Variants in ATXN8OS observed in about 807,000 individuals in gnomAD.
ATXN8OS encodes the protein ATXN8 opposite strand (non-protein coding).
chr13:70,170,908 G>T (rs764086875), exon 5 of ATXN8OS, among the ~76,000 whole-genome samples: 13 of 151,974 alleles, frequency 8.6e-5, no homozygotes, highest in Non-Finnish European at 1.5e-4. Flanking sequence ...GCTTAATACT[G>T]CAGGACATTT....
chr13:70,130,064 C>A (rs934684030), intron 3 of ATXN8OS, among the ~76,000 whole-genome samples: 1 of 151,800 alleles, frequency 6.6e-6, no homozygotes, highest in Non-Finnish European at 1.5e-5. Context: ...GTGCATGGAC[C>A]ATGGACTTTC....
intron 3 of ATXN8OS, among the ~76,000 whole-genome samples, chr13:70,136,584 C>T (rs575323121): frequency 6.6e-6 from 1 of 151,948 alleles, no homozygotes; most frequent in Non-Finnish European, 1.5e-5. Flanking sequence ...AAAATCTCCT[C>T]GTATTCAGGA....
At chr13:70,162,891 T>C (rs80317559) in intron 4 of ATXN8OS, among the ~76,000 whole-genome samples, 12,695 of 152,148 alleles carry the variant, frequency 0.083, 684 homozygotes, top group Non-Finnish European at 0.1. Context: ...GTTTAGTTTT[T>C]CATGAACTAA....
chr13:70,133,906 G>A (rs1888569342), intron 3 of ATXN8OS, among the ~76,000 whole-genome samples: 3 of 152,294 alleles, frequency 2.0e-5, no homozygotes, highest in Middle Eastern at 3.4e-3. Context: ...AGTCCTCTAA[G>A]ATGAGAACAA....
intron 1 of ATXN8OS, among the ~76,000 whole-genome samples, chr13:70,111,956 A>G (rs1400628329): frequency 6.6e-6 from 1 of 152,192 alleles, no homozygotes; most frequent in Non-Finnish European, 1.5e-5. Context: ...TGCTATAAAG[A>G]CATTCCTGAG....
intron 3 of ATXN8OS, among the ~76,000 whole-genome samples, chr13:70,142,997 C>T (rs879559632): frequency 4.0e-5 from 6 of 151,548 alleles, no homozygotes; most frequent in Non-Finnish European, 7.4e-5. Context: ...CCCTTGAACC[C>T]GGGAGGCAGA....
At chr13:70,125,902 G>C (rs1250353559) in intron 2 of ATXN8OS, among the ~76,000 whole-genome samples, 1 of 152,006 alleles carries the variant, frequency 6.6e-6, no homozygotes, top group African/African-American at 2.4e-5. Context: ...CCACCACCGG[G>C]GGTTGTGGGA....
intron 2 of ATXN8OS, among the ~76,000 whole-genome samples, chr13:70,115,500 C>T (rs1218941140): frequency 6.6e-6 from 1 of 151,252 alleles, no homozygotes; most frequent in South Asian, 2.1e-4. Context: ...TGTGTAGATA[C>T]ATGGGTGGCT....
In ATXN8OS at chr13:70,158,116, C is replaced by T. The variant is rs115418615; in HGVS notation, n.573+10688C>T. ...AGCCTTGAGATAGGCTTATTCCACA[C>T]TTCTTTAAGATAGAAGAGCAGAGGC... On this transcript the variant is annotated intron_variant and non_coding_transcript_variant, in intron 4 of 4. Transcript: ENST00000678624. Among the ~76,000 whole-genome samples the T allele has an allele frequency of 8.1e-3, 1,233 of 152,244 alleles. 15 individuals carry two copies. Among genetic ancestry groups the T allele is most frequent in the African/African-American group, 0.027 (1,114 of 41,578 alleles).
intron 3 of ATXN8OS, among the ~76,000 whole-genome samples, chr13:70,141,020 G>A (rs555228690): frequency 6.6e-6 from 1 of 152,134 alleles, no homozygotes; most frequent in Non-Finnish European, 1.5e-5. Context: ...TTTACTTGTA[G>A]TCTGAACAAT....
At chr13:70,170,504 G>A (rs548158892) in exon 5 of ATXN8OS, among the ~76,000 whole-genome samples, 2 of 152,046 alleles carry the variant, frequency 1.3e-5, no homozygotes, top group African/African-American at 4.8e-5. Context: ...ACATAAATTA[G>A]ATCCTGAAGG....
chr13:70,166,495 A>C (rs887019629), intron 4 of ATXN8OS, among the ~76,000 whole-genome samples: 8 of 152,002 alleles, frequency 5.3e-5, no homozygotes, highest in Non-Finnish European at 7.4e-5. Flanking sequence ...CCTTCCTTAC[A>C]CCTTATAAAA....
intron 4 of ATXN8OS, among the ~76,000 whole-genome samples, chr13:70,167,088 C>A (rs1378312201): frequency 1.3e-5 from 2 of 151,802 alleles, no homozygotes; most frequent in Non-Finnish European, 2.9e-5. Flanking sequence ...CTAGTTCAAC[C>A]ATTGTGGAAG....
chr13:70,130,065 A>G (rs1888508621), intron 3 of ATXN8OS, among the ~76,000 whole-genome samples: 1 of 151,890 alleles, frequency 6.6e-6, no homozygotes, highest in South Asian at 2.1e-4. Context: ...TGCATGGACC[A>G]TGGACTTTCT....
intron 4 of ATXN8OS, among the ~76,000 whole-genome samples, chr13:70,161,164 A>T (rs1311031100): frequency 6.6e-6 from 1 of 151,976 alleles, no homozygotes; most frequent in Non-Finnish European, 1.5e-5. Context: ...TGAAAAAAAA[A>T]ATCTAAGGTT....
At chr13:70,139,765 T>G (rs1221356012) in intron 3 of ATXN8OS, among the ~76,000 whole-genome samples, 1 of 152,140 alleles carries the variant, frequency 6.6e-6, no homozygotes, top group Non-Finnish European at 1.5e-5. Flanking sequence ...TAACATAAAT[T>G]ATTTAAGTGG....
exon 5 of ATXN8OS, among the ~76,000 whole-genome samples, chr13:70,171,332 C>T (rs1421800782): frequency 6.6e-6 from 1 of 151,982 alleles, no homozygotes. Context: ...TTGGGCGTAA[C>T]TTTAAGGAAG....
chr13:70,161,038 A>G (rs995523044), intron 4 of ATXN8OS, among the ~76,000 whole-genome samples: 2 of 151,634 alleles, frequency 1.3e-5, no homozygotes, highest in Non-Finnish European at 2.9e-5. Context: ...TATAACTGTT[A>G]TTAGAAAATG....
chr13:70,131,495 T>A, intron 3 of ATXN8OS: 1 of 398,440 alleles, frequency 2.5e-6, no homozygotes, highest in East Asian at 3.6e-5. Flanking sequence ...ATTTTACATA[T>A]TTTTTTACAT....
Sources: allele counts gnomAD v4.1 joint callset (sites outside exome capture counted in the v4.1 genomes callset), GRCh38; gene constraint gnomAD v4.1.1; transcripts MANE v1.5; gene names NCBI Gene and HGNC (gene_info 2026-07-23, HGNC 2026-07-21).